Variants in CADM2 observed in about 807,000 individuals in gnomAD.
CADM2 encodes immunoglobulin superfamily member 4D.
In CADM2, 12 loss-of-function variants were observed where a neutral mutation model predicts 49.8. The ratio of observed to expected loss-of-function variants is 0.24; its 90% CI spans 0.15 to 0.39. CADM2 has a LOEUF of 0.39. Ranked by LOEUF, CADM2 falls within the 10% of genes least tolerant of loss-of-function variation. The probability of loss-of-function intolerance (pLI) is 1.00; values close to 1 mark genes in which losing one functional copy is unlikely to be tolerated. For missense variants in CADM2, 378 were observed against 492.3 expected (o/e 0.77, Z 2.20); for synonymous variants, 214 against 175.4 (o/e 1.22, Z -1.74).
At chr3:85,993,411 T>C (rs1729023156) in intron 8 of CADM2, 1 of 152,192 alleles carries the variant, frequency 6.6e-6, no homozygotes, top group Non-Finnish European at 1.5e-5. Context: ...ACTGAAGTCT[T>C]GAATGTCTCA....
chr3:85,604,444 C>T (rs1384420172), intron 1 of CADM2, among the ~76,000 whole-genome samples: 10 of 151,970 alleles, frequency 6.6e-5, no homozygotes, highest in Non-Finnish European at 1.0e-4. Flanking sequence ...ATAAACCATA[C>T]ATCACGACAT....
At chr3:85,843,007 A>T (rs1363322129) in intron 3 of CADM2, among the ~76,000 whole-genome samples, 1 of 152,128 alleles carries the variant, frequency 6.6e-6, no homozygotes, top group Non-Finnish European at 1.5e-5. Context: ...AATAATTGTA[A>T]TTATATACTA....
At chr3:85,031,201 T>C (rs905318869) in intron 1 of CADM2, among the ~76,000 whole-genome samples, 1 of 152,176 alleles carries the variant, frequency 6.6e-6, no homozygotes, top group African/African-American at 2.4e-5. Flanking sequence ...CATTTCTTAC[T>C]CACCTTTCTT....
intron 1 of CADM2, among the ~76,000 whole-genome samples, chr3:85,036,506 T>A (rs1175905458): frequency 6.6e-6 from 1 of 152,062 alleles, no homozygotes; most frequent in Non-Finnish European, 1.5e-5. Context: ...TGTAATGAAC[T>A]TTTCTACCCA....
intron 1 of CADM2, among the ~76,000 whole-genome samples, chr3:85,261,790 T>C (rs1028943041): frequency 1.3e-5 from 2 of 152,122 alleles, no homozygotes; most frequent in African/African-American, 4.8e-5. Context: ...TTTTTGGCAA[T>C]TCAAATATTT....
intron 8 of CADM2, among the ~76,000 whole-genome samples, chr3:85,971,859 C>T (rs998573859): frequency 6.6e-6 from 1 of 151,716 alleles, no homozygotes; most frequent in Middle Eastern, 3.4e-3. Flanking sequence ...ATAGAACTGA[C>T]AGTTACCGCC....
chr3:85,138,855 G>A (rs991094125), intron 1 of CADM2, among the ~76,000 whole-genome samples: 1 of 152,136 alleles, frequency 6.6e-6, no homozygotes, highest in African/African-American at 2.4e-5. Flanking sequence ...TACAGTAAAA[G>A]TATGAGAAAA....
intron 2 of CADM2, among the ~76,000 whole-genome samples, chr3:85,768,169 G>A (rs573909384): frequency 2.6e-5 from 4 of 152,002 alleles, no homozygotes; most frequent in Admixed American, 2.0e-4. Flanking sequence ...TTTACTGGCC[G>A]GGCGCAGTGG....
intron 1 of CADM2, among the ~76,000 whole-genome samples, chr3:85,027,896 A>G (rs2034806433): frequency 6.6e-6 from 1 of 152,134 alleles, no homozygotes; most frequent in Non-Finnish European, 1.5e-5. Context: ...TTGAACATAG[A>G]TCTCAATCAT....
intron 2 of CADM2, among the ~76,000 whole-genome samples, chr3:85,776,547 A>T (rs1354686242): frequency 1.3e-5 from 2 of 152,156 alleles, no homozygotes; most frequent in Non-Finnish European, 2.9e-5. Context: ...TTAATGTAAG[A>T]TCTAGTTTGA....
chr3:86,002,257 A>G (rs776336753), intron 8 of CADM2, among the ~76,000 whole-genome samples: 2 of 152,146 alleles, frequency 1.3e-5, no homozygotes, highest in Non-Finnish European at 2.9e-5. Flanking sequence ...GTACAGTGCA[A>G]ATGAGGAATC....
chr3:85,383,883 A>G (rs965853877), intron 1 of CADM2, among the ~76,000 whole-genome samples: 1 of 152,074 alleles, frequency 6.6e-6, no homozygotes, highest in African/African-American at 2.4e-5. Context: ...ACCACTATTT[A>G]TCATTTCTTC....
chr3:86,063,968 T>C (rs1216347107), intron 8 of CADM2, among the ~76,000 whole-genome samples: 2 of 152,156 alleles, frequency 1.3e-5, no homozygotes, highest in South Asian at 2.1e-4. Context: ...TTTATCCTTC[T>C]ATAAAGAGCT....
chr3:85,701,858 AAGATAGATAGAT>A (rs56934991), intron 1 of CADM2, among the ~76,000 whole-genome samples: 10,177 of 146,762 alleles, frequency 0.069, 473 homozygotes, highest in African/African-American at 0.13. Flanking sequence ...TCTGTTGTAA[AAGATAGATAGAT>A]AGATAGATAG....
chr3:84,985,621 A>T (rs1382387031), intron 1 of CADM2, among the ~76,000 whole-genome samples: 1 of 152,192 alleles, frequency 6.6e-6, no homozygotes, highest in African/African-American at 2.4e-5. Context: ...CTAAATGATT[A>T]CACATACCCC....
At chr3:85,016,299 T>C (rs1311318848) in intron 1 of CADM2, among the ~76,000 whole-genome samples, 1 of 152,144 alleles carries the variant, frequency 6.6e-6, no homozygotes, top group Admixed American at 6.6e-5. Context: ...TATTTATTAT[T>C]GAAAAAGTAA....
intron 8 of CADM2, among the ~76,000 whole-genome samples, chr3:85,973,458 G>A (rs1242715464): frequency 1.3e-5 from 2 of 151,716 alleles, no homozygotes; most frequent in Non-Finnish European, 1.5e-5. Context: ...AGTTTACCAT[G>A]AAGTTCATTC....
At chr3:85,796,825 G>C (rs1334446047) in intron 2 of CADM2, among the ~76,000 whole-genome samples, 3 of 151,966 alleles carry the variant, frequency 2.0e-5, no homozygotes, top group Non-Finnish European at 4.4e-5. Context: ...GGCCAGTTGT[G>C]GTGGCTCATG....
intron 1 of CADM2, among the ~76,000 whole-genome samples, chr3:85,067,764 T>C (rs2036578161): frequency 6.6e-6 from 1 of 152,210 alleles, no homozygotes; most frequent in African/African-American, 2.4e-5. Flanking sequence ...ATAGAATTAA[T>C]CTAAGCTGCC....
Sources: allele counts gnomAD v4.1 joint callset (sites outside exome capture counted in the v4.1 genomes callset), GRCh38; gene constraint gnomAD v4.1.1; transcripts MANE v1.5; gene names NCBI Gene and HGNC (gene_info 2026-07-23, HGNC 2026-07-21).